SIDT1: variants seen among roughly 807,000 people sequenced by gnomAD.
The protein encoded by SIDT1 is SID1 transmembrane family, member 1.
SIDT1 carries 101 observed loss-of-function variants against 107.5 expected under a neutral mutation model. That is an observed-to-expected ratio of 0.94 (90% CI 0.80 to 1.11). The LOEUF (loss-of-function observed/expected upper bound fraction) is 1.11, where lower values mean the gene tolerates loss of function less well. Ranked by LOEUF, SIDT1 falls within the 50% of genes least tolerant of loss-of-function variation. The pLI is 0.00. For synonymous variants in SIDT1, 395 were observed against 398.2 expected (o/e 0.99, Z 0.10); for missense variants, 1,076 against 1,058.2 (o/e 1.02, Z -0.23).
intron 24 of SIDT1, 84 bp from the exon 25 acceptor site, chr3:113,627,562 T>A: frequency 3.8e-6 from 5 of 1,312,232 alleles, no homozygotes; most frequent in East Asian, 4.6e-5. Flanking sequence ...CAGTTTCCAG[T>A]CTGTGTGCAT....
At chr3:113,618,374 G>A (rs1946243972) in intron 20 of SIDT1, among the ~76,000 whole-genome samples, 1 of 152,166 alleles carries the variant, frequency 6.6e-6, no homozygotes, top group Non-Finnish European at 1.5e-5. Flanking sequence ...TTATGAATAA[G>A]CTGCTATAAC....
chr3:113,569,136 C>T (rs1284116213), intron 3 of SIDT1, among the ~76,000 whole-genome samples: 2 of 66,842 alleles, frequency 3.0e-5, no homozygotes, highest in African/African-American at 6.8e-5. Context: ...GAGACTCCCT[C>T]TCAAAAAAAA....
At chr3:113,615,922 A>G in intron 19 of SIDT1, 178 bp from the exon 20 acceptor site, 1 of 638,016 alleles carries the variant, frequency 1.6e-6, no homozygotes, top group East Asian at 2.7e-5. Flanking sequence ...GCATCCCTCT[A>G]TGACGATACC....
downstream of SIDT1, chr3:113,629,581 G>A (rs555793318): frequency 3.3e-5 from 5 of 152,290 alleles, no homozygotes; most frequent in Admixed American, 6.5e-5. Context: ...TTTCACTATG[G>A]CTAGTTTGAC....
At chr3:113,596,943 G>A (rs924361141) in intron 10 of SIDT1, among the ~76,000 whole-genome samples, 1 of 152,204 alleles carries the variant, frequency 6.6e-6, no homozygotes, top group Non-Finnish European at 1.5e-5. Flanking sequence ...TCTTAGCCAA[G>A]AGCAAGATCT....
At chr3:113,582,332 A>G (rs189764136) in intron 6 of SIDT1, among the ~76,000 whole-genome samples, 39 of 152,296 alleles carry the variant, frequency 2.6e-4, no homozygotes, top group African/African-American at 9.1e-4. Context: ...GGGTAAGGTG[A>G]TACTGTTTAC....
chr3:113,618,183 C>T (rs1285126110), intron 20 of SIDT1, among the ~76,000 whole-genome samples: 1 of 152,182 alleles, frequency 6.6e-6, no homozygotes, highest in Non-Finnish European at 1.5e-5. Context: ...AGTATATAGC[C>T]ATTTCATACT....
At chr3:113,588,801 T>C (rs1286500074) in intron 9 of SIDT1, 3 of 142,078 alleles carry the variant, frequency 2.1e-5, no homozygotes, top group Non-Finnish European at 4.5e-5. Flanking sequence ...ATTACCACAA[T>C]AATGCTACAT....
chr3:113,594,083 G>A (rs1299044126), intron 10 of SIDT1, among the ~76,000 whole-genome samples: 1 of 152,202 alleles, frequency 6.6e-6, no homozygotes, highest in African/African-American at 2.4e-5. Context: ...GTTTAGGTGT[G>A]TGTTTTCCAC....
rs181256798 is a variant in SIDT1, at chr3:113,623,434, T to C, written c.2098T>C (p.Phe700Leu). 577 of 1,613,128 alleles carry C rather than the reference T, an allele frequency of 3.6e-4. 2 individuals are homozygous for C. In the East Asian group the frequency reaches 0.012, roughly 33 times the overall value. The change falls in exon 22 of 25, where the codon TTT becomes CTT. Residue 700 changes from phenylalanine to leucine, a missense_variant. Transcript: ENST00000264852. Reference sequence around the variant, plus strand: ...TTTCTCCCACGCCTGCAGCGCCCTCTTTGGATTGATATACCGCCCCAGGGA... The same window carrying C: ...TTTCTCCCACGCCTGCAGCGCCCTCCTTGGATTGATATACCGCCCCAGGGA... Reference protein sequence around the residue: ...GNLVNWSFALFGLIYRPRDFA... With the variant: ...GNLVNWSFALLGLIYRPRDFA...
intron 1 of SIDT1, among the ~76,000 whole-genome samples, chr3:113,534,455 CCTGCT>C (rs1937866861): frequency 6.6e-6 from 1 of 152,198 alleles, no homozygotes; most frequent in Admixed American, 6.5e-5. Context: ...CAGCCCTCAC[CCTGCT>C]CTGTCCTCCA....
At chr3:113,602,135 C>T (rs1945000376) in intron 11 of SIDT1, 1 of 153,016 alleles carries the variant, frequency 6.5e-6, no homozygotes, top group African/African-American at 2.4e-5. Flanking sequence ...CACTGCCACC[C>T]AGTCGTTCAC....
chr3:113,595,921 A>G (rs1387957000), intron 10 of SIDT1, among the ~76,000 whole-genome samples: 1 of 152,166 alleles, frequency 6.6e-6, no homozygotes, highest in Non-Finnish European at 1.5e-5. Context: ...TCTCAAACAG[A>G]GCATAGAGAA....
chr3:113,623,548 G>T lies in SIDT1; in HGVS notation c.2196+16G>T. 6.2e-7 allele frequency: 1 copy of T among 1,607,502 alleles called. No individual in the cohort carries two copies. The highest frequency in any genetic ancestry group is 8.5e-7 in the Non-Finnish European group (1 of 1,174,014). On this transcript the variant is annotated intron_variant, in intron 22 of 24. Coordinates refer to ENST00000264852, the MANE Select transcript of SIDT1 (RefSeq NM_017699.3). ...CATCATGAAGGTAAGAGCGGGTGCC[G>T]GGAGCGGCTACCTCGGGCCCTCGGG...
intron 3 of SIDT1, 105 bp downstream of exon 3, chr3:113,567,815 CT>C: frequency 8.4e-7 from 1 of 1,192,154 alleles, no homozygotes; most frequent in Non-Finnish European, 1.2e-6. Flanking sequence ...AAATTATCCA[CT>C]TAGCATATGA....
intron 7 of SIDT1, 118 bp downstream of exon 7, chr3:113,583,614 T>C (rs1230299875): frequency 1.6e-6 from 1 of 608,112 alleles, no homozygotes; most frequent in Non-Finnish European, 2.8e-6. Context: ...ATCATCATGA[T>C]GGGAAAGGCA....
intron 17 of SIDT1, among the ~76,000 whole-genome samples, chr3:113,608,770 G>A (rs1278872686): frequency 3.2e-4 from 49 of 152,198 alleles, no homozygotes; most frequent in Non-Finnish European, 1.5e-5. Context: ...ACATCCAGAT[G>A]TAGAAAGGGC....
intron 1 of SIDT1, among the ~76,000 whole-genome samples, chr3:113,535,072 G>A (rs956735346): frequency 6.6e-6 from 1 of 152,138 alleles, no homozygotes; most frequent in Non-Finnish European, 1.5e-5. Context: ...AGGAGTTCAA[G>A]ACCAGCCTGG....
At chr3:113,600,354 C>T (rs979194771) in intron 10 of SIDT1, among the ~76,000 whole-genome samples, 16 of 151,844 alleles carry the variant, frequency 1.1e-4, no homozygotes, top group Admixed American at 7.9e-4. Flanking sequence ...AAGTTCTCAC[C>T]GAGACCAATA....
Sources: gnomAD v4.1 joint callset for allele counts (sites outside exome capture counted in the v4.1 genomes callset) on GRCh38, gnomAD v4.1.1 for gene constraint, MANE v1.5 for transcripts, NCBI Gene and HGNC (gene_info 2026-07-23, HGNC 2026-07-21) for gene names.